MNAT1: variants seen among roughly 807,000 people sequenced by gnomAD.
The protein encoded by MNAT1 is CDK-activating kinase assembly factor MAT1.
MNAT1 carries 43 observed loss-of-function variants against 42.0 expected under a neutral mutation model. That is an observed-to-expected ratio of 1.02 (90% CI 0.80 to 1.32). The LOEUF is 1.32. Ranked by LOEUF, MNAT1 falls within the 40% of genes most tolerant of loss-of-function variation. The pLI is 0.00. For synonymous variants in MNAT1, 118 were observed against 120.0 expected (o/e 0.98, Z 0.11); for missense variants, 306 against 350.4 (o/e 0.87, Z 1.01).
intron 1 of MNAT1, among the ~76,000 whole-genome samples, chr14:60,790,895 C>G (rs1024491080): frequency 1.4e-4 from 21 of 152,104 alleles, no homozygotes; most frequent in African/African-American, 4.3e-4. Flanking sequence ...TATTTCCAAC[C>G]TCTTTCTAGA....
At chr14:60,857,029 A>G (rs1387023503) in intron 6 of MNAT1, among the ~76,000 whole-genome samples, 1 of 152,000 alleles carries the variant, frequency 6.6e-6, no homozygotes, top group Non-Finnish European at 1.5e-5. Context: ...TGCTAAATTT[A>G]CTCCACCTGT....
Position 60,812,072 on chromosome 14 carries a change from A to G in MNAT1, c.506A>G (p.Glu169Gly), listed in dbSNP as rs1033154369. ...AGAAGATTATTTATACAAAAAGAAG[A>G]ACAACTGCAGCAGATTCTAAAAAGG... ...EQRRLFIQKE[E>G]QLQQILKRKN... is the part of the protein sequence containing the mutation. The change falls in exon 5 of 8, where the codon GAA becomes GGA. Residue 169 changes from glutamate (E) to glycine (G), a missense_variant. This residue lies in a region of MNAT1 where 118 missense variants were observed against 99.8 expected (regional missense o/e 1.18). Transcript: ENST00000261245. The G allele has an allele frequency of 3.7e-6, 6 of 1,603,310 alleles. No individual in the cohort carries two copies. In the South Asian group the frequency reaches 6.8e-5, roughly 18 times the overall value.
intron 3 of MNAT1, among the ~76,000 whole-genome samples, chr14:60,801,149 C>A (rs1318948466): frequency 6.6e-6 from 1 of 150,704 alleles, no homozygotes; most frequent in Non-Finnish European, 1.5e-5. Flanking sequence ...AAGAGTTAAC[C>A]AGATAGAAAG....
intron 6 of MNAT1, among the ~76,000 whole-genome samples, chr14:60,843,691 A>G (rs1257509045): frequency 6.6e-6 from 1 of 152,212 alleles, no homozygotes; most frequent in Non-Finnish European, 1.5e-5. Context: ...TGTGTTGAAC[A>G]TAAGTCCTTT....
chr14:60,829,416 A>G (rs2033154038), intron 6 of MNAT1, among the ~76,000 whole-genome samples: 1 of 152,176 alleles, frequency 6.6e-6, no homozygotes, highest in Non-Finnish European at 1.5e-5. Context: ...ACACTGAAAT[A>G]TTTAGTGTCA....
chr14:60,968,367 A>G lies in MNAT1; in HGVS notation c.*18A>G, dbSNP rs758519618. On this transcript the variant is annotated 3_prime_UTR_variant, in exon 8 of 8. Transcript: ENST00000261245. ...CCAGTTAACCATTTATAAGATTTGG[A>G]CCTTGGAGCTGAACCAGGGAGCTAG... 2.6e-5 allele frequency: 42 copies of G among 1,603,530 alleles called. No homozygotes were observed. Among genetic ancestry groups the G allele is most frequent in the Non-Finnish European group, 3.5e-5 (41 of 1,176,790 alleles).
chr14:60,915,995 A>G (rs1026254529), intron 7 of MNAT1, among the ~76,000 whole-genome samples: 1 of 152,172 alleles, frequency 6.6e-6, no homozygotes, highest in Non-Finnish European at 1.5e-5. Flanking sequence ...TCTCCCTACA[A>G]CTGAGTCAAC....
intron 7 of MNAT1, among the ~76,000 whole-genome samples, chr14:60,941,315 T>G (rs1351553676): frequency 1.3e-5 from 2 of 152,228 alleles, no homozygotes; most frequent in Non-Finnish European, 1.5e-5. Flanking sequence ...ACTAGGATGC[T>G]TTCAATAACA....
intron 7 of MNAT1, among the ~76,000 whole-genome samples, chr14:60,967,847 T>G (rs1456224795): frequency 1.3e-5 from 2 of 152,252 alleles, no homozygotes; most frequent in Non-Finnish European, 2.9e-5. Context: ...AGTACTATAA[T>G]AGTATTGTGA....
At position 60,862,276 on chromosome 14, in the gene MNAT1, G is replaced by A. The variant is rs374022862; in HGVS notation, c.688-17438G>A. On this transcript the variant is annotated intron_variant, in intron 6 of 7. Coordinates refer to ENST00000261245, the MANE Select transcript of MNAT1 (RefSeq NM_002431.4). ...AATTTTTATAACTGTTAGCACATAT[G>A]CTTTGTGTGCTAGCTTTTTCCTAAT... 7.5e-4 allele frequency among the ~76,000 whole-genome samples: 114 copies of A among 152,284 alleles called. 1 individual carries two copies. The highest frequency in any genetic ancestry group is 2.6e-3 in the African/African-American group (108 of 41,556).
At chr14:60,784,389 G>A (rs2031574852) in intron 1 of MNAT1, among the ~76,000 whole-genome samples, 1 of 151,196 alleles carries the variant, frequency 6.6e-6, no homozygotes, top group African/African-American at 2.4e-5. Context: ...GTGTTGCTCA[G>A]GCTGGTCTTG....
At chr14:60,872,500 C>A (rs767302180) in intron 6 of MNAT1, among the ~76,000 whole-genome samples, 1 of 152,078 alleles carries the variant, frequency 6.6e-6, no homozygotes, top group Non-Finnish European at 1.5e-5. Context: ...CCGATTCTTG[C>A]AGTTTTAATT....
At chr14:60,870,526 A>C (rs2034305290) in intron 6 of MNAT1, among the ~76,000 whole-genome samples, 1 of 152,186 alleles carries the variant, frequency 6.6e-6, no homozygotes. Context: ...TTCAAGACTC[A>C]GTGCTAAGAC....
At chr14:60,794,609 A>G (rs1226309395) in intron 1 of MNAT1, among the ~76,000 whole-genome samples, 2 of 142,038 alleles carry the variant, frequency 1.4e-5, no homozygotes, top group East Asian at 4.2e-4. Context: ...AAGGCTGCAG[A>G]GAGCTGTGAC....
intron 1 of MNAT1, among the ~76,000 whole-genome samples, chr14:60,768,944 A>G (rs1382646693): frequency 6.6e-6 from 1 of 152,216 alleles, no homozygotes; most frequent in African/African-American, 2.4e-5. Context: ...CTAAGATTAT[A>G]ATGTTGAGTT....
At chr14:60,796,509 A>C (rs1594759914) in intron 2 of MNAT1, 140 bp downstream of exon 2, 2 of 727,366 alleles carry the variant, frequency 2.7e-6, no homozygotes, top group African/African-American at 3.6e-5. Context: ...TAGAGAACTG[A>C]GTAATATTAT....
intron 7 of MNAT1, among the ~76,000 whole-genome samples, chr14:60,897,702 G>A (rs1306739931): frequency 4.6e-5 from 7 of 151,918 alleles, no homozygotes; most frequent in African/African-American, 1.7e-4. Context: ...GGATATTTGG[G>A]GTATCCGTCA....
chr14:60,836,918 T>C (rs1443873835), intron 6 of MNAT1, among the ~76,000 whole-genome samples: 2 of 152,316 alleles, frequency 1.3e-5, no homozygotes, highest in East Asian at 3.9e-4. Context: ...CTGCTGCCTT[T>C]CTTTCAGAGA....
intron 6 of MNAT1, among the ~76,000 whole-genome samples, chr14:60,838,811 C>T (rs2033467525): frequency 6.6e-6 from 1 of 152,178 alleles, no homozygotes; most frequent in African/African-American, 2.4e-5. Context: ...GCTCCTGCTG[C>T]CTGGCCTTTT....
Sources: allele counts gnomAD v4.1 joint callset (sites outside exome capture counted in the v4.1 genomes callset), GRCh38; gene constraint gnomAD v4.1.1; regional missense constraint gnomAD v4.1.1; transcripts MANE v1.5; gene names NCBI Gene and HGNC (gene_info 2026-07-23, HGNC 2026-07-21).